POLR3B: variants seen among roughly 807,000 people sequenced by gnomAD.
POLR3B encodes DNA-directed RNA polymerase III subunit RPC2.
A neutral mutation model predicts 147.4 loss-of-function variants in POLR3B; 96 were observed. The observed-to-expected ratio is 0.65, with a 90% CI of 0.55 to 0.77. The LOEUF (loss-of-function observed/expected upper bound fraction) is 0.77. POLR3B is among the 30% of genes least tolerant of loss of function. The pLI is 0.00. For missense variants in POLR3B, 1,036 were observed against 1,413.5 expected (o/e 0.73, Z 4.28); for synonymous variants, 461 against 485.9 (o/e 0.95, Z 0.67).
At chr12:106,449,035 A>T (rs2037763008) in intron 19 of POLR3B, among the ~76,000 whole-genome samples, 1 of 152,146 alleles carries the variant, frequency 6.6e-6, no homozygotes, top group South Asian at 2.1e-4. Context: ...AATATCCCTT[A>T]TCTGAAATGC....
chr12:106,494,401 T>C (rs1352512367), intron 23 of POLR3B, among the ~76,000 whole-genome samples: 4 of 152,096 alleles, frequency 2.6e-5, no homozygotes, highest in African/African-American at 9.7e-5. Flanking sequence ...GGTGCCGAGA[T>C]TTCTCTTTGG....
chr12:106,409,346 G>GTTTTGTTTT (rs2037190160), intron 11 of POLR3B, among the ~76,000 whole-genome samples: 1 of 67,470 alleles, frequency 1.5e-5, no homozygotes, highest in African/African-American at 8.1e-5. Flanking sequence ...TTGTAAGAGG[G>GTTTTGTTTT]TTTTTTTTGT....
chr12:106,377,866 G>A (rs1355128241), intron 7 of POLR3B, among the ~76,000 whole-genome samples: 5 of 152,144 alleles, frequency 3.3e-5, no homozygotes, highest in Admixed American at 6.6e-5. Flanking sequence ...AGGCTGAGGC[G>A]GGAGGATGGC....
At chr12:106,461,124 T>A (rs777613554) in intron 22 of POLR3B, among the ~76,000 whole-genome samples, 1 of 152,070 alleles carries the variant, frequency 6.6e-6, no homozygotes. Flanking sequence ...AGATGGAGTC[T>A]CGCACTGTCA....
chr12:106,423,024 T>C (rs1040896310), intron 12 of POLR3B, among the ~76,000 whole-genome samples: 1 of 152,188 alleles, frequency 6.6e-6, no homozygotes, highest in Non-Finnish European at 1.5e-5. Context: ...TGCACCTCTT[T>C]CAGATTTATT....
At chr12:106,467,583 G>T (rs1453229962) in intron 23 of POLR3B, among the ~76,000 whole-genome samples, 1 of 152,186 alleles carries the variant, frequency 6.6e-6, no homozygotes, top group African/African-American at 2.4e-5. Flanking sequence ...GATATTGGCT[G>T]TGGGTTTGTC....
At chr12:106,382,910 T>C (rs958353858) in intron 9 of POLR3B, among the ~76,000 whole-genome samples, 1 of 152,240 alleles carries the variant, frequency 6.6e-6, no homozygotes, top group African/African-American at 2.4e-5. Context: ...AAGTCCTAGA[T>C]GGCATGTTCT....
rs1401783740 is a variant in POLR3B, at chr12:106,459,245, T to C, written c.2453-6T>C. 2.7e-6 allele frequency: 4 copies of C among 1,494,236 alleles called. No homozygotes were observed. Among genetic ancestry groups the C allele is most frequent in the East Asian group, 4.5e-5 (2 of 44,330 alleles). 92.6% of individuals were successfully genotyped at this position (1,494,236 alleles called of 1,614,324 possible). A position where few individuals can be genotyped will look rare whatever the true frequency, so the allele number is the denominator to read the frequency against. On this transcript the variant is annotated splice_polypyrimidine_tract_variant and splice_region_variant and intron_variant, in intron 21 of 27. Transcript: ENST00000228347. ...GATGTGCCTAACACTTTTCTTTTTTTCTCAGGTGAGAAAGTAGAAAACAAA... is the reference window on the plus strand; with the variant it reads ...GATGTGCCTAACACTTTTCTTTTTTCCTCAGGTGAGAAAGTAGAAAACAAA...
chr12:106,358,065 G>T, intron 1 of POLR3B, 114 bp downstream of exon 1: 1 of 1,548,180 alleles, frequency 6.5e-7, no homozygotes, highest in East Asian at 2.4e-5. Context: ...GCATGCGCCG[G>T]GCTTCTGCGC....
intron 10 of POLR3B, among the ~76,000 whole-genome samples, chr12:106,401,307 G>C (rs2037063238): frequency 1.3e-5 from 2 of 152,074 alleles, no homozygotes; most frequent in South Asian, 4.2e-4. Context: ...ACCAATAACA[G>C]GCTCTGAAAT....
chr12:106,490,897 C>T (rs1441564187), intron 23 of POLR3B, among the ~76,000 whole-genome samples: 1 of 152,142 alleles, frequency 6.6e-6, no homozygotes, highest in Non-Finnish European at 1.5e-5. Flanking sequence ...GTAAACTATT[C>T]CCCAATAGAT....
At chr12:106,360,118 G>T (rs1289928214) in intron 1 of POLR3B, among the ~76,000 whole-genome samples, 1 of 152,178 alleles carries the variant, frequency 6.6e-6, no homozygotes, top group Non-Finnish European at 1.5e-5. Flanking sequence ...AGCCCAGAAC[G>T]ACTGTCCTCT....
chr12:106,501,329 CT>C lies in POLR3B; in HGVS notation c.2993del (p.Leu998Ter). 1 of 1,602,136 alleles carries C rather than the reference CT, an allele frequency of 6.2e-7. No individual in the cohort carries two copies. Among genetic ancestry groups the C allele is most frequent in the Non-Finnish European group, 8.6e-7 (1 of 1,169,084 alleles). ...CAATTGATCTTTCTTTCAGTGAGCC[CT>C]TAGAAGCATACATCTATTTTGGCCC... ...YVTSGITGEP[L>X]EAYIYFGPVY... On this transcript the variant is annotated frameshift_variant, in exon 26 of 28. Transcript: ENST00000228347. LOFTEE classifies it high-confidence loss of function.
intron 5 of POLR3B, 50 bp from the exon 6 acceptor site, chr12:106,369,533 C>T: frequency 8.0e-7 from 1 of 1,250,880 alleles, no homozygotes; most frequent in Non-Finnish European, 1.2e-6. Flanking sequence ...GTGGTCAGGA[C>T]CCTGTTGCAG....
At chr12:106,491,917 A>T (rs1360589221) in intron 23 of POLR3B, among the ~76,000 whole-genome samples, 2 of 152,214 alleles carry the variant, frequency 1.3e-5, no homozygotes, top group Non-Finnish European at 2.9e-5. Flanking sequence ...TTACACTTAG[A>T]AGGTAGACTT....
intron 1 of POLR3B, among the ~76,000 whole-genome samples, chr12:106,359,085 G>T (rs1321169174): frequency 6.6e-6 from 1 of 152,124 alleles, no homozygotes; most frequent in Non-Finnish European, 1.5e-5. Flanking sequence ...GGGTGTGGTG[G>T]CGTGCACTTG....
chr12:106,509,495 A>G lies in POLR3B; in HGVS notation c.3348A>G (p.Glu1116=), dbSNP rs151232276. 6 of 1,613,138 alleles carry G rather than the reference A, an allele frequency of 3.7e-6. No individual in the cohort carries two copies. In the African/African-American group the frequency reaches 6.7e-5, roughly 18 times the overall value. Residue 1116 remains glutamate (E), a synonymous_variant, in exon 28 of 28, where the codon GAA becomes GAG. Transcript: ENST00000228347. ...ATGCCTGCAAGCTGCTCTTCCAGGA[A>G]CTACAGTCTATGAACATCATCCCCA... ...IPYACKLLFQ[E]LQSMNIIPRL... is the part of the protein sequence containing the mutation.
intron 9 of POLR3B, among the ~76,000 whole-genome samples, chr12:106,385,209 C>G (rs111740398): frequency 6.6e-6 from 1 of 152,138 alleles, no homozygotes; most frequent in African/African-American, 2.4e-5. Context: ...CTCACAGGAA[C>G]CTAGCCCTAT....
chr12:106,404,733 G>A (rs1184329086), intron 10 of POLR3B, among the ~76,000 whole-genome samples: 1 of 151,718 alleles, frequency 6.6e-6, no homozygotes, highest in Non-Finnish European at 1.5e-5. Flanking sequence ...TTTTAATTTT[G>A]AAAAAACTTA....
Sources: allele counts gnomAD v4.1 joint callset (sites outside exome capture counted in the v4.1 genomes callset), GRCh38; gene constraint gnomAD v4.1.1; transcripts MANE v1.5; gene names NCBI Gene and HGNC (gene_info 2026-07-23, HGNC 2026-07-21).